The following CNTNAP2 variants were observed in gnomAD, a reference collection of about 807,000 sequenced individuals.
CNTNAP2 encodes contactin-associated protein-like 2.
Under a neutral mutation model 155.2 loss-of-function variants are expected in CNTNAP2, and 98 were observed. The observed-to-expected ratio is 0.63, with a 90% CI of 0.54 to 0.75. The LOEUF (loss-of-function observed/expected upper bound fraction) is 0.75, where lower values mean the gene tolerates loss of function less well. Ranked by LOEUF, CNTNAP2 falls within the 30% of genes least tolerant of loss-of-function variation. The pLI is 0.00. For missense variants in CNTNAP2, 1,727 were observed against 1,688.1 expected (o/e 1.02, Z -0.40); for synonymous variants, 651 against 631.2 (o/e 1.03, Z -0.47).
At chr7:146,672,824 T>C (rs1002519912) in intron 1 of CNTNAP2, among the ~76,000 whole-genome samples, 1 of 152,186 alleles carries the variant, frequency 6.6e-6, no homozygotes, top group African/African-American at 2.4e-5. Context: ...ACAATTGCAA[T>C]CTCATATTTG....
intron 2 of CNTNAP2, among the ~76,000 whole-genome samples, chr7:146,785,853 G>T (rs1802566526): frequency 6.6e-6 from 1 of 152,178 alleles, no homozygotes; most frequent in African/African-American, 2.4e-5. Context: ...CTTATCTCAA[G>T]ATATTATTTC....
chr7:146,611,649 T>A (rs1426730324), intron 1 of CNTNAP2, among the ~76,000 whole-genome samples: 1 of 152,222 alleles, frequency 6.6e-6, no homozygotes, highest in Admixed American at 6.5e-5. Flanking sequence ...GTAGACACTT[T>A]AGCAGTAAAA....
intron 1 of CNTNAP2, among the ~76,000 whole-genome samples, chr7:146,184,133 G>A (rs1333386981): frequency 6.6e-6 from 1 of 152,174 alleles, no homozygotes; most frequent in African/African-American, 2.4e-5. Context: ...CAACTACTCA[G>A]TATGCTCAAA....
intron 3 of CNTNAP2, among the ~76,000 whole-genome samples, chr7:146,848,095 C>T (rs1794796331): frequency 6.6e-6 from 1 of 152,092 alleles, no homozygotes; most frequent in African/African-American, 2.4e-5. Context: ...ATCAGCTGCA[C>T]CAGGAACATC....
intron 3 of CNTNAP2, among the ~76,000 whole-genome samples, chr7:146,958,919 A>G (rs1209710264): frequency 6.6e-6 from 1 of 152,124 alleles, no homozygotes. Flanking sequence ...AGTTTAACTC[A>G]ACACTAATAA....
intron 3 of CNTNAP2, among the ~76,000 whole-genome samples, chr7:146,866,594 T>C (rs1484653375): frequency 6.6e-6 from 1 of 152,146 alleles, no homozygotes; most frequent in East Asian, 1.9e-4. Context: ...TCACATATGA[T>C]TGTACCTGCA....
intron 1 of CNTNAP2, among the ~76,000 whole-genome samples, chr7:146,526,234 G>A (rs1797690235): frequency 6.6e-6 from 1 of 152,124 alleles, no homozygotes; most frequent in African/African-American, 2.4e-5. Context: ...TTGATGATGT[G>A]CAGTACTTTA....
intron 1 of CNTNAP2, among the ~76,000 whole-genome samples, chr7:146,140,888 C>T (rs1797866561): frequency 6.6e-6 from 1 of 151,978 alleles, no homozygotes; most frequent in African/African-American, 2.4e-5. Context: ...ATTTAGAGGG[C>T]GAAAATCGGA....
chr7:146,682,448 T>G (rs181309477), intron 1 of CNTNAP2, among the ~76,000 whole-genome samples: 5 of 152,242 alleles, frequency 3.3e-5, no homozygotes, highest in African/African-American at 1.2e-4. Context: ...TAGGTGACAA[T>G]CAAAACATTA....
intron 8 of CNTNAP2, among the ~76,000 whole-genome samples, chr7:147,154,715 G>A (rs551594470): frequency 5.3e-5 from 8 of 152,086 alleles, no homozygotes; most frequent in African/African-American, 1.9e-4. Context: ...CCCCCTAAAA[G>A]ATACTGAACT....
chr7:146,646,375 A>G (rs1364451151), intron 1 of CNTNAP2, among the ~76,000 whole-genome samples: 1 of 152,162 alleles, frequency 6.6e-6, no homozygotes, highest in Non-Finnish European at 1.5e-5. Flanking sequence ...AATTAGAACA[A>G]GCCATTATTT....
At chr7:147,703,127 T>C (rs1796261544) in intron 13 of CNTNAP2, among the ~76,000 whole-genome samples, 1 of 152,136 alleles carries the variant, frequency 6.6e-6, no homozygotes, top group South Asian at 2.1e-4. Flanking sequence ...TGCGCCTGTT[T>C]CCTGAACCCT....
rs111441464 is a variant in CNTNAP2 at position 147,115,973 on chromosome 7, C to A, written c.755-5006C>A. Among the ~76,000 whole-genome samples, 1,261 of 152,156 alleles carry A rather than the reference C, an allele frequency of 8.3e-3. 15 individuals are homozygous for A. The highest frequency in any genetic ancestry group is 0.029 in the African/African-American group (1,211 of 41,492). The stretch of plus-strand genomic sequence containing the variant: ...TATCTACCTTCAATGTTTGAAGTTG[C>A]TGATTTGGAGATGGAGTTTTGTGGG... On this transcript the variant is annotated intron_variant, in intron 5 of 23. Transcript: ENST00000361727.
chr7:147,286,137 G>T (rs889983908), intron 8 of CNTNAP2, among the ~76,000 whole-genome samples: 1 of 151,928 alleles, frequency 6.6e-6, no homozygotes, highest in African/African-American at 2.4e-5. Context: ...AAAGTCAGAG[G>T]AATTGATTTG....
intron 10 of CNTNAP2, among the ~76,000 whole-genome samples, chr7:147,467,386 T>A (rs1798139006): frequency 6.6e-6 from 1 of 152,242 alleles, no homozygotes; most frequent in Admixed American, 6.5e-5. Flanking sequence ...TTCCTTTAAA[T>A]CATTTCATCA....
chr7:147,955,750 T>C (rs1159223843), intron 14 of CNTNAP2, among the ~76,000 whole-genome samples: 1 of 152,182 alleles, frequency 6.6e-6, no homozygotes, highest in African/African-American at 2.4e-5. Flanking sequence ...AAGGTATCCC[T>C]GAGAACCACA....
intron 12 of CNTNAP2, among the ~76,000 whole-genome samples, chr7:147,622,432 G>C (rs1056637533): frequency 2.0e-5 from 3 of 151,914 alleles, no homozygotes; most frequent in South Asian, 4.1e-4. Context: ...ATAATATTAA[G>C]CATATTCTTT....
At position 147,345,059 on chromosome 7, in the gene CNTNAP2, G is replaced by T. The variant is rs541861943; in HGVS notation, c.1498+44769G>T. Reference sequence around the variant, plus strand: ...TTTGTGTTTTTATCCATTTCTTGGTGTACACATAAAATTTAAGTATGTGCC... The same window carrying T: ...TTTGTGTTTTTATCCATTTCTTGGTTTACACATAAAATTTAAGTATGTGCC... On this transcript the variant is annotated intron_variant, in intron 9 of 23. Transcript: ENST00000361727. Among the ~76,000 whole-genome samples, 52 of 152,132 alleles carry T rather than the reference G, an allele frequency of 3.4e-4. No individual in the cohort carries two copies. In the South Asian group the frequency reaches 0.01, roughly 30 times the overall value.
intron 15 of CNTNAP2, among the ~76,000 whole-genome samples, chr7:148,106,276 C>G (rs188566311): frequency 5.7e-4 from 87 of 152,178 alleles, no homozygotes; most frequent in Non-Finnish European, 9.6e-4. Context: ...TACTGGACAG[C>G]TTTACCTTGA....
Sources: gnomAD v4.1 joint callset for allele counts (sites outside exome capture counted in the v4.1 genomes callset) on GRCh38, gnomAD v4.1.1 for gene constraint, MANE v1.5 for transcripts, NCBI Gene and HGNC (gene_info 2026-07-23, HGNC 2026-07-21) for gene names.